The following CLMN variants were observed in gnomAD, a reference collection of about 807,000 sequenced individuals.
CLMN encodes calmin (calponin-like, transmembrane).
In CLMN, 57 loss-of-function variants were observed where a neutral mutation model predicts 92.7. The ratio of observed to expected loss-of-function variants is 0.61; its 90% CI spans 0.50 to 0.77. The LOEUF (loss-of-function observed/expected upper bound fraction) is 0.77. Ranked by LOEUF, CLMN falls within the 30% of genes least tolerant of loss-of-function variation. The probability of loss-of-function intolerance (pLI) is 0.00; values close to 1 mark genes in which losing one functional copy is unlikely to be tolerated. For missense variants in CLMN, 1,158 were observed against 1,237.5 expected, an observed-to-expected ratio of 0.94 and a Z score of 0.96; for synonymous variants, 466 against 470.6, an observed-to-expected ratio of 0.99 and a Z score of 0.13.
chr14:95,212,467 G>A (rs1011341480), intron 6 of CLMN, among the ~76,000 whole-genome samples: 7 of 152,196 alleles, frequency 4.6e-5, no homozygotes, highest in East Asian at 1.9e-4. Context: ...CTCTGCTGCC[G>A]GTGTGGGGTG....
At chr14:95,205,306 T>C (rs1441673649) in intron 8 of CLMN, among the ~76,000 whole-genome samples, 2 of 152,096 alleles carry the variant, frequency 1.3e-5, no homozygotes, top group Non-Finnish European at 1.5e-5. Context: ...TTACAAGACA[T>C]GAAGAGGCAG....
At chr14:95,292,417 C>G (rs918435945) in intron 1 of CLMN, among the ~76,000 whole-genome samples, 1 of 136,838 alleles carries the variant, frequency 7.3e-6, no homozygotes, top group African/African-American at 2.7e-5. Context: ...ATGAGATCTG[C>G]CCCCCAAGGG....
intron 1 of CLMN, among the ~76,000 whole-genome samples, chr14:95,303,103 C>A (rs1007555946): frequency 6.6e-6 from 1 of 152,208 alleles, no homozygotes; most frequent in Non-Finnish European, 1.5e-5. Flanking sequence ...GATAGAGGCT[C>A]AAGCAGGATA....
rs1213695092 is a variant in CLMN at position 95,194,640 on chromosome 14, C to G, written c.2709-44G>C. The G allele has an allele frequency of 1.3e-5, 21 of 1,587,120 alleles. No individual in the cohort carries two copies. Among genetic ancestry groups the G allele is most frequent in the Non-Finnish European group, 1.8e-5 (21 of 1,155,408 alleles). The stretch of plus-strand genomic sequence containing the variant: ...TTTTGAATTGGTACCACCTGGAGCT[C>G]TTCATGGCTCAGTTGTACGGTCACC... On this transcript the variant is annotated intron_variant, in intron 10 of 12. Transcript: ENST00000298912. The surrounding 1 kb of genome is among the most constrained non-coding windows in gnomAD (Gnocchi z 4.0).
chr14:95,277,579 C>A (rs28769388), intron 1 of CLMN, among the ~76,000 whole-genome samples: 13,034 of 152,256 alleles, frequency 0.086, 701 homozygotes, highest in African/African-American at 0.14. Flanking sequence ...TGGAGACTGC[C>A]CAATGCTGTA....
chr14:95,200,456 C>T (rs1896845940), intron 9 of CLMN, among the ~76,000 whole-genome samples: 1 of 152,194 alleles, frequency 6.6e-6, no homozygotes, highest in South Asian at 2.1e-4. Flanking sequence ...AGAGGCCGAG[C>T]CCAGGCCCTT....
At chr14:95,252,025 A>T (rs1490483825) in intron 1 of CLMN, among the ~76,000 whole-genome samples, 1 of 152,116 alleles carries the variant, frequency 6.6e-6, no homozygotes, top group Admixed American at 6.5e-5. Flanking sequence ...AGACCACTTT[A>T]TGGCTCTGCG....
At position 95,221,812 on chromosome 14, in the gene CLMN, C is replaced by G. The variant is rs1032630641; in HGVS notation, c.241-38G>C. 3.6e-5 allele frequency: 57 copies of G among 1,585,492 alleles called. No individual in the cohort carries two copies. The Admixed American group carries it at 4.2e-4, about 12-fold the overall frequency. On this transcript the variant is annotated intron_variant, in intron 3 of 12. Coordinates refer to ENST00000298912, the MANE Select transcript of CLMN (RefSeq NM_024734.4). ...ACAGAACAAAACAAGCACATTAAACCCGCACAGGCACTTCCCAACACCCAG... is the reference window on the plus strand; with the variant it reads ...ACAGAACAAAACAAGCACATTAAACGCGCACAGGCACTTCCCAACACCCAG...
intron 1 of CLMN, among the ~76,000 whole-genome samples, chr14:95,295,262 G>A (rs759217914): frequency 3.3e-5 from 5 of 152,222 alleles, no homozygotes; most frequent in African/African-American, 9.7e-5. Flanking sequence ...CAGTCTAATC[G>A]AAGAGGGTAG....
intron 1 of CLMN, among the ~76,000 whole-genome samples, chr14:95,313,190 G>A (rs1475509841): frequency 1.3e-5 from 2 of 152,164 alleles, no homozygotes; most frequent in African/African-American, 4.8e-5. Flanking sequence ...TTGGTGACAA[G>A]AATGAAACTC....
intron 1 of CLMN, among the ~76,000 whole-genome samples, chr14:95,287,402 G>A (rs894004286): frequency 2.0e-5 from 3 of 152,200 alleles, no homozygotes; most frequent in African/African-American, 2.4e-5. Context: ...TCAGCATGGC[G>A]CGATGTTCAG....
Position 95,232,338 on chromosome 14 carries a change from G to A in CLMN, c.83-2205C>T, listed in dbSNP as rs531487649. 1.1e-4 allele frequency among the ~76,000 whole-genome samples: 16 copies of A among 152,332 alleles called. 1 individual carries two copies. In the Middle Eastern group the frequency reaches 0.017, roughly 162 times the overall value. On this transcript the variant is annotated intron_variant, in intron 1 of 12. Coordinates refer to ENST00000298912, the MANE Select transcript of CLMN (RefSeq NM_024734.4). The stretch of plus-strand genomic sequence containing the variant: ...AGACCATATCACATATGCCTAAAAC[G>A]ATTCCAAATTTCTTTAGCAATAAGA...
chr14:95,233,762 C>A (rs1396950328), intron 1 of CLMN, among the ~76,000 whole-genome samples: 2 of 152,286 alleles, frequency 1.3e-5, no homozygotes, highest in South Asian at 2.1e-4. Flanking sequence ...TGGAACAAGG[C>A]GGGGGGTGGC....
At chr14:95,275,526 T>A (rs1327240087) in intron 1 of CLMN, among the ~76,000 whole-genome samples, 1 of 152,136 alleles carries the variant, frequency 6.6e-6, no homozygotes, top group Non-Finnish European at 1.5e-5. Flanking sequence ...AAAACTCAGT[T>A]CCAGAAACTG....
At position 95,184,793 on chromosome 14, in the gene CLMN, G is replaced by C. The variant is rs994707531; in HGVS notation, c.*6771C>G. On this transcript the variant is annotated 3_prime_UTR_variant, in exon 13 of 13. Coordinates refer to ENST00000298912, the MANE Select transcript of CLMN (RefSeq NM_024734.4). Reference sequence around the variant, plus strand: ...GGTAGAGAAGTGACAAGACCTGAAGGTCCTGTAGGACTCTTAAGAAAAATC... The same window carrying C: ...GGTAGAGAAGTGACAAGACCTGAAGCTCCTGTAGGACTCTTAAGAAAAATC... 6.6e-6 allele frequency: 1 copy of C among 152,244 alleles called. No homozygotes were observed. Among genetic ancestry groups the C allele is most frequent in the Non-Finnish European group, 1.5e-5 (1 of 68,088 alleles). The allele number at this position is 152,244 out of a possible 1,614,324, so 9.4% of individuals were successfully genotyped here.
chr14:95,236,702 G>C (rs1201135758), intron 1 of CLMN, among the ~76,000 whole-genome samples: 2 of 152,242 alleles, frequency 1.3e-5, no homozygotes, highest in Non-Finnish European at 1.5e-5. Context: ...ACAGAGAAGA[G>C]TTTCAGCAAC....
chr14:95,240,059 C>G (rs111861057), intron 1 of CLMN, among the ~76,000 whole-genome samples: 1 of 152,336 alleles, frequency 6.6e-6, no homozygotes, highest in South Asian at 2.1e-4. Context: ...AGTCTAGGAG[C>G]AATAGGCTGC....
intron 1 of CLMN, among the ~76,000 whole-genome samples, chr14:95,285,577 C>A (rs1033099944): frequency 6.6e-6 from 1 of 152,148 alleles, no homozygotes; most frequent in Admixed American, 6.5e-5. Context: ...GTAGAACATG[C>A]CTTCCTCCCC....
At chr14:95,274,232 T>TC (rs1279272789) in intron 1 of CLMN, among the ~76,000 whole-genome samples, 1 of 152,026 alleles carries the variant, frequency 6.6e-6, no homozygotes, top group Non-Finnish European at 1.5e-5. Context: ...GCACCCAGAT[T>TC]CCCCCGTCTC....
Sources: gnomAD v4.1 joint callset for allele counts (sites outside exome capture counted in the v4.1 genomes callset) on GRCh38, gnomAD v4.1.1 for gene constraint, Gnocchi (gnomAD v3.1) non-coding constraint, MANE v1.5 for transcripts, NCBI Gene and HGNC (gene_info 2026-07-23, HGNC 2026-07-21) for gene names.